Variants in CSMD1 observed in about 807,000 individuals in gnomAD.
CSMD1 encodes CUB and sushi domain-containing protein 1.
Under a neutral mutation model 417.5 loss-of-function variants are expected in CSMD1, and 213 were observed. The observed-to-expected ratio is 0.51, with a 90% CI of 0.46 to 0.57. The LOEUF (loss-of-function observed/expected upper bound fraction) is 0.57. CSMD1 is among the 20% of genes least tolerant of loss of function. The pLI is 0.00. For synonymous variants in CSMD1, 2,862 were observed against 1,736.8 expected (o/e 1.65, Z -16.11); for missense variants, 6,923 against 4,529.7 (o/e 1.53, Z -15.17).
intron 1 of CSMD1, among the ~76,000 whole-genome samples, chr8:4,848,816 T>C (rs1039462955): frequency 6.6e-6 from 1 of 152,234 alleles, no homozygotes; most frequent in African/African-American, 2.4e-5. Flanking sequence ...AGTGCTGGGA[T>C]TACAGGCGTG....
intron 1 of CSMD1, among the ~76,000 whole-genome samples, chr8:4,747,555 C>T (rs1195272101): frequency 1.3e-5 from 2 of 152,292 alleles, no homozygotes; most frequent in South Asian, 2.1e-4. Context: ...TTATGATCCT[C>T]CTACGGTGAC....
chr8:3,188,110 C>A (rs756506044), intron 35 of CSMD1, 145 bp from the exon 36 acceptor site: 1 of 266,072 alleles, frequency 3.8e-6, no homozygotes, highest in South Asian at 1.1e-4. Flanking sequence ...ACATATACAC[C>A]TTAATAATGC....
chr8:3,821,207 C>T (rs974672265), intron 5 of CSMD1, among the ~76,000 whole-genome samples: 8 of 152,118 alleles, frequency 5.3e-5, no homozygotes, highest in Non-Finnish European at 7.3e-5. Context: ...TGTGAACCAC[C>T]GTACCCAGCT....
intron 1 of CSMD1, among the ~76,000 whole-genome samples, chr8:4,834,977 A>AAAAAG (rs1385745588): frequency 4.0e-3 from 129 of 32,206 alleles, no homozygotes; most frequent in African/African-American, 6.5e-3. Flanking sequence ...AAAAAAAAAA[A>AAAAAG]AAAGAAAGAA....
intron 12 of CSMD1, among the ~76,000 whole-genome samples, chr8:3,459,767 T>G (rs184114480): frequency 6.6e-6 from 1 of 152,104 alleles, no homozygotes; most frequent in Admixed American, 6.5e-5. Flanking sequence ...ATGAACAGAT[T>G]TGGGTCCAGG....
At chr8:3,836,342 A>G (rs914185374) in intron 5 of CSMD1, among the ~76,000 whole-genome samples, 1 of 152,174 alleles carries the variant, frequency 6.6e-6, no homozygotes, top group Non-Finnish European at 1.5e-5. Flanking sequence ...ACAAAGATCT[A>G]TGAGGAACTA....
intron 5 of CSMD1, among the ~76,000 whole-genome samples, chr8:3,947,750 T>C (rs932369941): frequency 1.3e-5 from 2 of 152,186 alleles, no homozygotes; most frequent in Non-Finnish European, 2.9e-5. Flanking sequence ...TTTATCTTAG[T>C]GAATGTTCCA....
At chr8:3,127,010 G>C (rs777701410) in intron 41 of CSMD1, among the ~76,000 whole-genome samples, 2 of 152,198 alleles carry the variant, frequency 1.3e-5, no homozygotes, top group Non-Finnish European at 2.9e-5. Context: ...GAAGGTGAGA[G>C]TGTTGCTTTT....
chr8:4,509,497 G>A (rs371722453), intron 2 of CSMD1, among the ~76,000 whole-genome samples: 24 of 152,132 alleles, frequency 1.6e-4, no homozygotes, highest in Non-Finnish European at 2.9e-4. Context: ...CTTACTAGAC[G>A]CTGTCTACGT....
intron 18 of CSMD1, 106 bp downstream of exon 18, chr8:3,387,388 G>A: frequency 1.1e-6 from 1 of 884,546 alleles, no homozygotes; most frequent in Non-Finnish European, 1.7e-6. Context: ...ACTCACGCCA[G>A]TCGTAAGGTA....
intron 37 of CSMD1, among the ~76,000 whole-genome samples, chr8:3,172,330 G>A (rs779046535): frequency 1.4e-4 from 21 of 151,868 alleles, no homozygotes; most frequent in Non-Finnish European, 2.6e-4. Context: ...TGGCTACAGC[G>A]TTTTTTTCCT....
rs1018595651 is a variant in CSMD1 at position 4,859,676 on chromosome 8, C to A, written c.85+134656G>T. The stretch of plus-strand genomic sequence containing the variant: ...ATGAAAAAATGCTCATCATCCCTGG[C>A]CATCAGAGAAATGCAAATCAAAACC... On this transcript the variant is annotated intron_variant, in intron 1 of 69. Coordinates refer to ENST00000635120, the MANE Select transcript of CSMD1 (RefSeq NM_033225.6). Among the ~76,000 whole-genome samples, 15 of 152,042 alleles carry A rather than the reference C, an allele frequency of 9.9e-5. No individual in the cohort carries two copies. The South Asian group carries it at 1.5e-3, about 15-fold the overall frequency.
At chr8:3,777,420 A>T (rs1196733683) in intron 5 of CSMD1, among the ~76,000 whole-genome samples, 1 of 152,122 alleles carries the variant, frequency 6.6e-6, no homozygotes, top group African/African-American at 2.4e-5. Context: ...CACCTGGGGC[A>T]TCCTGTCAGG....
At chr8:3,911,013 T>C (rs936396370) in intron 5 of CSMD1, among the ~76,000 whole-genome samples, 13 of 152,182 alleles carry the variant, frequency 8.5e-5, no homozygotes, top group Admixed American at 7.9e-4. Flanking sequence ...TCCTACTTAT[T>C]CAGGGGCTGC....
At position 4,218,959 on chromosome 8, in the gene CSMD1, C is replaced by T. The variant is rs182468843; in HGVS notation, c.416-186860G>A. Among the ~76,000 whole-genome samples, 20 of 152,248 alleles carry T rather than the reference C, an allele frequency of 1.3e-4. No homozygotes were observed. The East Asian group carries it at 2.5e-3, about 19-fold the overall frequency. On this transcript the variant is annotated intron_variant, in intron 3 of 69. Transcript: ENST00000635120. ...CTCTGAGCAATGCTATTTTTTCCAA[C>T]GTATGTCTAATCAAATACTCCCGGT... is the stretch of plus-strand genomic sequence containing the variant.
chr8:3,151,480 C>A lies in CSMD1; in HGVS notation c.5948G>T (p.Gly1983Val). The change falls in exon 40 of 70, where the codon GGT becomes GTT. Residue 1983 changes from glycine (G) to valine (V), a missense_variant. Transcript: ENST00000635120. ...TGGGAAGCCGGGGCTCAGGATCACA[C>A]CACCCAAGGTGCTCAGCGTCCCTCC... The part of the protein sequence containing the change: ...TCGGTLSTLG[G>V]VILSPGFPGS... 1 of 1,613,512 alleles carries A rather than the reference C, an allele frequency of 6.2e-7. No individual in the cohort carries two copies. The highest frequency in any genetic ancestry group is 8.5e-7 in the Non-Finnish European group (1 of 1,179,756).
intron 39 of CSMD1, among the ~76,000 whole-genome samples, chr8:3,153,287 C>T (rs549485946): frequency 1.2e-4 from 18 of 152,300 alleles, no homozygotes; most frequent in Non-Finnish European, 1.6e-4. Flanking sequence ...AATAACCCAC[C>T]GCTTGTTTAG....
chr8:4,634,361 C>A (rs949237700), intron 2 of CSMD1, among the ~76,000 whole-genome samples: 3 of 152,036 alleles, frequency 2.0e-5, no homozygotes, highest in Non-Finnish European at 4.4e-5. Context: ...GGGATTAAAT[C>A]TGCCTCTTAA....
intron 2 of CSMD1, among the ~76,000 whole-genome samples, chr8:4,616,541 C>T (rs1801483925): frequency 6.6e-6 from 1 of 152,150 alleles, no homozygotes; most frequent in Non-Finnish European, 1.5e-5. Context: ...TTCTCTCATG[C>T]CAGCAATACA....
Sources: gnomAD v4.1 joint callset for allele counts (sites outside exome capture counted in the v4.1 genomes callset) on GRCh38, gnomAD v4.1.1 for gene constraint, MANE v1.5 for transcripts, NCBI Gene and HGNC (gene_info 2026-07-23, HGNC 2026-07-21) for gene names.